MALRD1: variants seen among roughly 807,000 people sequenced by gnomAD.
MALRD1 encodes the protein MAM and LDL-receptor class A domain-containing protein 1.
A neutral mutation model predicts 242.1 loss-of-function variants in MALRD1; 247 were observed. The ratio of observed to expected loss-of-function variants is 1.02; its 90% CI spans 0.92 to 1.13. The LOEUF is 1.13. Among genes scored for constraint, MALRD1 ranks in the 50% most tolerant of loss-of-function variants. The pLI, the probability that MALRD1 is intolerant of heterozygous loss-of-function variation, is 0.00. For synonymous variants in MALRD1, 995 were observed against 866.6 expected, an observed-to-expected ratio of 1.15 and a Z score of -2.60; for missense variants, 2,989 against 2,533.1, an observed-to-expected ratio of 1.18 and a Z score of -3.86.
intron 19 of MALRD1, among the ~76,000 whole-genome samples, chr10:19,260,487 C>T (rs1002958909): frequency 1.3e-5 from 2 of 152,104 alleles, no homozygotes; most frequent in Non-Finnish European, 2.9e-5. Flanking sequence ...CTTACTGTGT[C>T]TGTTCATGTT....
chr10:19,271,627 G>A lies in MALRD1; in HGVS notation c.3080-8420G>A, dbSNP rs976499250. On this transcript the variant is annotated intron_variant, in intron 19 of 39. Transcript: ENST00000454679. ...AAACACAAAAAACTAGCCAGGTGTG[G>A]TGGCACACACCTGTAGTCCCAGCTA... 5.9e-5 allele frequency among the ~76,000 whole-genome samples: 9 copies of A among 152,220 alleles called. No homozygotes were observed. The East Asian group carries it at 9.7e-4, about 16-fold the overall frequency.
At chr10:19,383,682 T>C (rs908642682) in intron 26 of MALRD1, among the ~76,000 whole-genome samples, 13 of 152,118 alleles carry the variant, frequency 8.5e-5, no homozygotes, top group African/African-American at 2.4e-4. Flanking sequence ...ACAAGTGTTA[T>C]TATTATTTCC....
At chr10:19,122,156 T>C (rs1271540231) in intron 5 of MALRD1, among the ~76,000 whole-genome samples, 1 of 152,088 alleles carries the variant, frequency 6.6e-6, no homozygotes, top group Non-Finnish European at 1.5e-5. Flanking sequence ...ACATCTCTAA[T>C]AAAGGAAATG....
At chr10:19,112,512 GT>G in intron 5 of MALRD1, among the ~76,000 whole-genome samples, 1 of 152,294 alleles carries the variant, frequency 6.6e-6, no homozygotes, top group Middle Eastern at 3.4e-3. Context: ...CCCCAGTACT[GT>G]TAGAGTCGGG....
At chr10:19,102,108 A>C (rs1286690475) in intron 4 of MALRD1, among the ~76,000 whole-genome samples, 1 of 146,100 alleles carries the variant, frequency 6.8e-6, no homozygotes, top group Non-Finnish European at 1.5e-5. Context: ...ATCATATATG[A>C]TATATGATAT....
intron 2 of MALRD1, 80 bp downstream of exon 2, chr10:19,066,939 C>T: frequency 9.3e-7 from 1 of 1,078,068 alleles, no homozygotes; most frequent in Non-Finnish European, 1.2e-6. Flanking sequence ...TCGTTCTTTC[C>T]CACCTCCCTT....
At chr10:19,233,565 A>AT (rs111574608) in intron 18 of MALRD1, among the ~76,000 whole-genome samples, 19,840 of 151,616 alleles carry the variant, frequency 0.13, 1,644 homozygotes, top group Admixed American at 0.26. Context: ...ATTGTAAATG[A>AT]TTTTTTTTCC....
At chr10:19,682,432 T>C (rs1459247213) in intron 36 of MALRD1, among the ~76,000 whole-genome samples, 1 of 152,244 alleles carries the variant, frequency 6.6e-6, no homozygotes, top group Non-Finnish European at 1.5e-5. Context: ...TTAGGTTGGC[T>C]GTGGCTGAAA....
At chr10:19,651,845 G>A (rs1381473727) in intron 36 of MALRD1, among the ~76,000 whole-genome samples, 1 of 152,186 alleles carries the variant, frequency 6.6e-6, no homozygotes, top group African/African-American at 2.4e-5. Flanking sequence ...AAATGACTCT[G>A]ACGAATTTAA....
At position 19,585,844 on chromosome 10, in the gene MALRD1, C is replaced by T. The variant is rs998261783; in HGVS notation, c.5681-9350C>T. The stretch of plus-strand genomic sequence containing the variant: ...GTTTTCCAACTTGGTTCCATTCTCC[C>T]TGTCACTTTCAGGTACACCAATCAG... On this transcript the variant is annotated intron_variant, in intron 33 of 39. Coordinates refer to ENST00000454679, the MANE Select transcript of MALRD1 (RefSeq NM_001142308.3). 3.3e-5 allele frequency among the ~76,000 whole-genome samples: 5 copies of T among 152,162 alleles called. 1 individual carries two copies. In the South Asian group the frequency reaches 1.0e-3, roughly 32 times the overall value.
intron 19 of MALRD1, among the ~76,000 whole-genome samples, chr10:19,278,617 G>C (rs1024873204): frequency 6.6e-6 from 1 of 151,932 alleles, no homozygotes; most frequent in Non-Finnish European, 1.5e-5. Flanking sequence ...TGCTTCCCTG[G>C]GGTTATATCT....
intron 5 of MALRD1, among the ~76,000 whole-genome samples, chr10:19,122,308 C>A (rs1837092457): frequency 6.6e-6 from 1 of 152,042 alleles, no homozygotes; most frequent in Non-Finnish European, 1.5e-5. Flanking sequence ...GGGAGTGGAC[C>A]ACTTGAAATG....
chr10:19,561,086 T>C (rs556760880), intron 32 of MALRD1, among the ~76,000 whole-genome samples: 1 of 152,224 alleles, frequency 6.6e-6, no homozygotes, highest in African/African-American at 2.4e-5. Context: ...AATAAAATAA[T>C]TTATAATAAA....
At chr10:19,586,494 G>A (rs972227641) in intron 33 of MALRD1, among the ~76,000 whole-genome samples, 9 of 152,152 alleles carry the variant, frequency 5.9e-5, no homozygotes, top group Non-Finnish European at 1.0e-4. Flanking sequence ...CGTGTGAGGT[G>A]TCAATCTGCC....
chr10:19,411,570 A>G (rs1180567691), intron 28 of MALRD1, among the ~76,000 whole-genome samples: 1 of 152,198 alleles, frequency 6.6e-6, no homozygotes, highest in Non-Finnish European at 1.5e-5. Flanking sequence ...TAAGTTACAG[A>G]GAACTCATTA....
At chr10:19,346,682 C>T (rs181864360) in intron 24 of MALRD1, among the ~76,000 whole-genome samples, 10 of 152,186 alleles carry the variant, frequency 6.6e-5, no homozygotes, top group African/African-American at 2.2e-4. Context: ...GATGGAGTCT[C>T]GCTCTATCAC....
chr10:19,575,887 C>G (rs551957643), intron 33 of MALRD1, among the ~76,000 whole-genome samples: 1 of 152,166 alleles, frequency 6.6e-6, no homozygotes, highest in Non-Finnish European at 1.5e-5. Context: ...CTAATTTACT[C>G]ACACATATAC....
At chr10:19,257,385 C>G (rs549872436) in intron 18 of MALRD1, among the ~76,000 whole-genome samples, 2 of 152,040 alleles carry the variant, frequency 1.3e-5, no homozygotes, top group South Asian at 4.1e-4. Context: ...GAACTAATGG[C>G]TGAAAGTTAT....
chr10:19,298,551 A>G (rs1244708498), intron 21 of MALRD1, among the ~76,000 whole-genome samples: 2 of 152,038 alleles, frequency 1.3e-5, no homozygotes, highest in African/African-American at 4.8e-5. Context: ...GAGAGAGACT[A>G]TAGGAAATTA....
Sources: gnomAD v4.1 joint callset for allele counts (sites outside exome capture counted in the v4.1 genomes callset) on GRCh38, gnomAD v4.1.1 for gene constraint, MANE v1.5 for transcripts, NCBI Gene and HGNC (gene_info 2026-07-23, HGNC 2026-07-21) for gene names.